SASH1: variants seen among roughly 807,000 people sequenced by gnomAD.
SASH1 encodes the protein SAM and SH3 domain-containing protein 1.
In SASH1, 44 loss-of-function variants were observed where a neutral mutation model predicts 125.2. The observed-to-expected ratio is 0.35, with a 90% confidence interval of 0.28 to 0.45. The LOEUF is 0.45. SASH1 is among the 20% of genes least tolerant of loss of function. The pLI, the probability that SASH1 is intolerant of heterozygous loss-of-function variation, is 1.00. For synonymous variants in SASH1, 639 were observed against 649.1 expected, an observed-to-expected ratio of 0.98 and a Z score of 0.24; for missense variants, 1,426 against 1,614.5, an observed-to-expected ratio of 0.88 and a Z score of 2.00.
chr6:148,417,252 C>T (rs1398781842), intron 2 of SASH1, among the ~76,000 whole-genome samples: 6 of 152,152 alleles, frequency 3.9e-5, no homozygotes, highest in Admixed American at 3.9e-4. Context: ...CCCTGGAGCA[C>T]TGACTGGGAG....
rs869081496 is a variant in SASH1, at chr6:148,410,099, C to CTT, written c.285+19865_285+19866dup. On this transcript the variant is annotated intron_variant, in intron 2 of 19. Coordinates refer to ENST00000367467, the MANE Select transcript of SASH1 (RefSeq NM_015278.5). ...AGGTAGGGTGTTTTCCAGAGCAGTC[C>CTT]TTTTTTTTTTTTTTTTTTTTTTTTT... Among the ~76,000 whole-genome samples the CTT allele has an allele frequency of 2.7e-3, 153 of 55,744 alleles. 34 individuals carry two copies. The highest frequency in any genetic ancestry group is 5.9e-3 in the East Asian group (10 of 1,696). The allele number at this position is 55,744 out of a possible 152,430, so 36.6% of individuals were successfully genotyped here. A position where few individuals can be genotyped will look rare whatever the true frequency, so the allele number is the denominator to read the frequency against.
chr6:148,373,548 G>A (rs527625984), intron 1 of SASH1, among the ~76,000 whole-genome samples: 152 of 152,220 alleles, frequency 1.0e-3, no homozygotes, highest in Non-Finnish European at 1.6e-3. Flanking sequence ...CCCGAGTAAG[G>A]TTTCTGAGCA....
At chr6:148,204,019 A>G in the SASH1 span, among the ~76,000 whole-genome samples, 1 of 152,116 alleles carries the variant, frequency 6.6e-6, no homozygotes, top group Non-Finnish European at 1.5e-5. Flanking sequence ...CTGCCAGAAA[A>G]ATTGCCGGGA....
chr6:148,295,293 A>G (rs1218409063), intron 1 of SASH1, among the ~76,000 whole-genome samples: 1 of 152,180 alleles, frequency 6.6e-6, no homozygotes. Context: ...CATTTTCAGC[A>G]CTTAGAGAAA....
chr6:148,354,867 A>G (rs1293111655), intron 1 of SASH1, among the ~76,000 whole-genome samples: 8 of 152,128 alleles, frequency 5.3e-5, no homozygotes, highest in Admixed American at 1.3e-4. Flanking sequence ...CGTTCAAGCA[A>G]TTCTCCCTCA....
chr6:148,539,296 C>T (rs1300731867), intron 16 of SASH1, among the ~76,000 whole-genome samples: 2 of 151,656 alleles, frequency 1.3e-5, no homozygotes, highest in African/African-American at 2.4e-5. Flanking sequence ...TTTAGTGCAC[C>T]CATCATCTGA....
intron 7 of SASH1, among the ~76,000 whole-genome samples, chr6:148,483,009 T>TG (rs1040870538): frequency 2.0e-5 from 3 of 152,120 alleles, no homozygotes; most frequent in African/African-American, 7.2e-5. Context: ...TTAATTCAGG[T>TG]GTCATACATC....
At chr6:148,437,006 A>G (rs1776319201) in intron 2 of SASH1, among the ~76,000 whole-genome samples, 1 of 152,178 alleles carries the variant, frequency 6.6e-6, no homozygotes, top group South Asian at 2.1e-4. Flanking sequence ...AATGTTTACT[A>G]TTTCTGTCTA....
At chr6:148,407,578 T>C (rs1784426341) in intron 2 of SASH1, among the ~76,000 whole-genome samples, 1 of 152,210 alleles carries the variant, frequency 6.6e-6, no homozygotes, top group Admixed American at 6.5e-5. Context: ...TTCATTTCTT[T>C]TGGGAATATG....
intron 1 of SASH1, among the ~76,000 whole-genome samples, chr6:148,302,228 C>A (rs538586326): frequency 1.7e-3 from 236 of 135,226 alleles, no homozygotes; most frequent in African/African-American, 6.2e-3. Flanking sequence ...AGGAGAATGG[C>A]GTGAACCTGG....
At chr6:148,375,831 G>A (rs1005554646) in intron 1 of SASH1, among the ~76,000 whole-genome samples, 1 of 152,110 alleles carries the variant, frequency 6.6e-6, no homozygotes. Context: ...TAGGATGAAC[G>A]CAACAGAGTT....
At chr6:148,449,928 C>T (rs546711877) in intron 4 of SASH1, among the ~76,000 whole-genome samples, 1 of 152,240 alleles carries the variant, frequency 6.6e-6, no homozygotes, top group African/African-American at 2.4e-5. Flanking sequence ...TAATCCAGGC[C>T]CTCAAGAGGG....
intron 13 of SASH1, 113 bp downstream of exon 13, chr6:148,531,774 G>A (rs1781533297): frequency 8.2e-6 from 7 of 852,160 alleles, no homozygotes; most frequent in Non-Finnish European, 1.1e-5. Context: ...TGCCCTTCAG[G>A]TGCTATTAGA....
At chr6:148,542,780 G>A (rs898690586) in intron 17 of SASH1, among the ~76,000 whole-genome samples, 1 of 152,196 alleles carries the variant, frequency 6.6e-6, no homozygotes, top group Non-Finnish European at 1.5e-5. Context: ...GTTTATCAGT[G>A]TGGAACATAC....
chr6:148,445,764 T>G (rs1185226304), intron 4 of SASH1, among the ~76,000 whole-genome samples: 1 of 152,166 alleles, frequency 6.6e-6, no homozygotes, highest in Non-Finnish European at 1.5e-5. Flanking sequence ...TTGCAGAGCT[T>G]TCCTAGAAAC....
intron 2 of SASH1, among the ~76,000 whole-genome samples, chr6:148,429,616 A>G (rs995534823): frequency 3.9e-5 from 6 of 151,966 alleles, no homozygotes; most frequent in African/African-American, 1.4e-4. Flanking sequence ...GGTGGTGTAT[A>G]CCCACAGCCC....
rs547683461 is a variant in SASH1 at position 148,446,171 on chromosome 6, C to T, written c.386+5764C>T. On this transcript the variant is annotated intron_variant, in intron 4 of 19. Transcript: ENST00000367467. ...TCGCCCAGGCTGGAGTGCAGTGGCG[C>T]GATCTTGGCTCACTGCAAGCTCCGC... is the stretch of plus-strand genomic sequence containing the variant. Among the ~76,000 whole-genome samples, 36 of 134,440 alleles carry T rather than the reference C, an allele frequency of 2.7e-4. No individual in the cohort carries two copies. The South Asian group carries it at 7.5e-3, about 28-fold the overall frequency. 88.2% of individuals were successfully genotyped at this position (134,440 alleles called of 152,430 possible).
intron 2 of SASH1, among the ~76,000 whole-genome samples, chr6:148,391,138 T>TA (rs1783702571): frequency 1.3e-5 from 2 of 151,650 alleles, no homozygotes; most frequent in Middle Eastern, 3.2e-3. Flanking sequence ...AGACGGAGTT[T>TA]CTCTCTTGTC....
chr6:148,496,002 ATTT>A (rs552373682), intron 8 of SASH1, among the ~76,000 whole-genome samples: 2 of 142,490 alleles, frequency 1.4e-5, no homozygotes, highest in Non-Finnish European at 1.5e-5. Flanking sequence ...CGCCTGGCTA[ATTT>A]TTTTTTTTTT....
Sources: allele counts gnomAD v4.1 joint callset (sites outside exome capture counted in the v4.1 genomes callset), GRCh38; gene constraint gnomAD v4.1.1; transcripts MANE v1.5; gene names NCBI Gene and HGNC (gene_info 2026-07-23, HGNC 2026-07-21).